KCNQ3: variants seen among roughly 807,000 people sequenced by gnomAD.
KCNQ3 encodes the protein potassium voltage-gated channel subfamily KQT member 3.
Under a neutral mutation model 92.5 loss-of-function variants are expected in KCNQ3, and 30 were observed. The observed-to-expected ratio is 0.32, with a 90% CI of 0.24 to 0.44. The LOEUF is 0.44. KCNQ3 is among the 20% of genes least tolerant of loss of function. The pLI is 1.00. For synonymous variants in KCNQ3, 450 were observed against 468.8 expected, an observed-to-expected ratio of 0.96 and a Z score of 0.52; for missense variants, 913 against 1,140.3, an observed-to-expected ratio of 0.80 and a Z score of 2.87.
At chr8:132,449,278 A>G (rs2130847984) in intron 1 of KCNQ3, among the ~76,000 whole-genome samples, 1 of 152,234 alleles carries the variant, frequency 6.6e-6, no homozygotes, top group Admixed American at 6.5e-5. Flanking sequence ...AGCCAATGGC[A>G]GAGTCACTCT....
intron 1 of KCNQ3, among the ~76,000 whole-genome samples, chr8:132,385,712 G>A (rs1392108839): frequency 6.6e-6 from 1 of 152,134 alleles, no homozygotes; most frequent in African/African-American, 2.4e-5. Context: ...GTAGGAGAGG[G>A]GGAAGGGGCA....
At chr8:132,137,028 ATT>A (rs34860665) in intron 12 of KCNQ3, among the ~76,000 whole-genome samples, 23 of 141,166 alleles carry the variant, frequency 1.6e-4, no homozygotes, top group African/African-American at 5.8e-4. Context: ...CCATGCCTGG[ATT>A]TTTTTTTTTT....
chr8:132,201,716 G>A (rs1313193901), intron 1 of KCNQ3, among the ~76,000 whole-genome samples: 1 of 152,100 alleles, frequency 6.6e-6, no homozygotes, highest in Admixed American at 6.5e-5. Flanking sequence ...TGTCTTTGCT[G>A]CACTCAATCC....
At position 132,414,863 on chromosome 8, in the gene KCNQ3, T is replaced by C. The variant is rs547949647; in HGVS notation, c.386+65284A>G. Among the ~76,000 whole-genome samples, 17 of 152,132 alleles carry C rather than the reference T, an allele frequency of 1.1e-4. No individual in the cohort carries two copies. The East Asian group carries it at 2.9e-3, about 26-fold the overall frequency. ...TGACAGCAAAACCGAAATATGTAAATAAGAAATCAGAGGAGTGATAAATAA... is the reference window on the plus strand; with the variant it reads ...TGACAGCAAAACCGAAATATGTAAACAAGAAATCAGAGGAGTGATAAATAA... On this transcript the variant is annotated intron_variant, in intron 1 of 14. Transcript: ENST00000388996.
chr8:132,321,809 G>A (rs1817900724), intron 1 of KCNQ3, among the ~76,000 whole-genome samples: 1 of 152,100 alleles, frequency 6.6e-6, no homozygotes, highest in Non-Finnish European at 1.5e-5. Flanking sequence ...CTCTACACCA[G>A]TGCACCTGGT....
intron 1 of KCNQ3, among the ~76,000 whole-genome samples, chr8:132,189,359 T>G (rs1210953858): frequency 6.6e-6 from 1 of 152,228 alleles, no homozygotes; most frequent in Admixed American, 6.5e-5. Flanking sequence ...GTTATCATCT[T>G]GTAATTGTTT....
In KCNQ3 at chr8:132,127,828, C is replaced by T. The variant is rs758087118; in HGVS notation, c.*1434G>A. 2.6e-5 allele frequency: 4 copies of T among 152,194 alleles called. No individual in the cohort carries two copies. Among genetic ancestry groups the T allele is most frequent in the African/African-American group, 9.6e-5 (4 of 41,458 alleles). 9.4% of individuals were successfully genotyped at this position (152,194 alleles called of 1,614,324 possible). On this transcript the variant is annotated 3_prime_UTR_variant, in exon 15 of 15. Transcript: ENST00000388996. ...GCTTGTGCTTAATATCACACCTGTA[C>T]AGTAGGGCAGTGCTTCCCAGGCTGT...
At chr8:132,227,031 ATAAT>A (rs1029236070) in intron 1 of KCNQ3, among the ~76,000 whole-genome samples, 2 of 150,696 alleles carry the variant, frequency 1.3e-5, no homozygotes, top group African/African-American at 4.9e-5. Flanking sequence ...AAGACAATAT[ATAAT>A]TAAGTACTTA....
intron 1 of KCNQ3, among the ~76,000 whole-genome samples, chr8:132,329,874 G>A (rs1451294869): frequency 6.6e-6 from 1 of 152,178 alleles, no homozygotes; most frequent in Admixed American, 6.5e-5. Flanking sequence ...CATGAATTAG[G>A]CCCCCTGGAG....
intron 9 of KCNQ3, among the ~76,000 whole-genome samples, chr8:132,161,745 G>T (rs1035506713): frequency 6.6e-6 from 1 of 152,170 alleles, no homozygotes; most frequent in Non-Finnish European, 1.5e-5. Context: ...TTGTAAGGTG[G>T]AAAATGCATA....
intron 1 of KCNQ3, among the ~76,000 whole-genome samples, chr8:132,413,432 G>T (rs907149039): frequency 2.0e-5 from 3 of 152,146 alleles, no homozygotes; most frequent in Non-Finnish European, 4.4e-5. Context: ...GGGTTAAGTC[G>T]CCTTTCAGTC....
intron 13 of KCNQ3, among the ~76,000 whole-genome samples, chr8:132,132,634 C>G (rs1824920968): frequency 1.3e-5 from 2 of 150,946 alleles, no homozygotes; most frequent in Admixed American, 1.3e-4. Flanking sequence ...GAGACTTTTA[C>G]TCTGAGTGTG....
chr8:132,405,218 C>A (rs568838149), intron 1 of KCNQ3, among the ~76,000 whole-genome samples: 1 of 152,330 alleles, frequency 6.6e-6, no homozygotes, highest in Admixed American at 6.5e-5. Context: ...CTTGACGATG[C>A]ATGAGAATGC....
At chr8:132,422,065 T>C (rs932022860) in intron 1 of KCNQ3, among the ~76,000 whole-genome samples, 2 of 152,092 alleles carry the variant, frequency 1.3e-5, no homozygotes, top group African/African-American at 2.4e-5. Flanking sequence ...GCCTGGTCAG[T>C]GCCTCCACCA....
intron 1 of KCNQ3, among the ~76,000 whole-genome samples, chr8:132,201,140 T>C (rs1016801450): frequency 6.6e-6 from 1 of 152,160 alleles, no homozygotes; most frequent in Non-Finnish European, 1.5e-5. Context: ...CATTAACATA[T>C]TTATGAAGGC....
At position 132,126,858 on chromosome 8, in the gene KCNQ3, T is replaced by C. The variant is rs1457046326; in HGVS notation, c.*2404A>G. On this transcript the variant is annotated 3_prime_UTR_variant, in exon 15 of 15. Coordinates refer to ENST00000388996, the MANE Select transcript of KCNQ3 (RefSeq NM_004519.4). ...CTCCATTGAGTTGCTGGAAAATGCATCATCTATTGGTAAAATACTTAAGAT... is the reference window on the plus strand; with the variant it reads ...CTCCATTGAGTTGCTGGAAAATGCACCATCTATTGGTAAAATACTTAAGAT... The C allele has an allele frequency of 6.6e-6, 1 of 152,202 alleles. No homozygotes were observed. 9.4% of individuals were successfully genotyped at this position (152,202 alleles called of 1,614,324 possible). A position where few individuals can be genotyped will look rare whatever the true frequency, so the allele number is the denominator to read the frequency against.
intron 6 of KCNQ3, among the ~76,000 whole-genome samples, chr8:132,173,008 T>A (rs989651916): frequency 4.6e-5 from 7 of 152,238 alleles, no homozygotes; most frequent in African/African-American, 1.7e-4. Flanking sequence ...GGATGTGGGA[T>A]AATAATACCT....
intron 1 of KCNQ3, among the ~76,000 whole-genome samples, chr8:132,298,558 G>T (rs1211870319): frequency 6.6e-6 from 1 of 152,144 alleles, no homozygotes; most frequent in Non-Finnish European, 1.5e-5. Flanking sequence ...TGAAGATGGG[G>T]TGGGGGAGCC....
chr8:132,250,695 C>T (rs1815377804), intron 1 of KCNQ3, among the ~76,000 whole-genome samples: 1 of 152,072 alleles, frequency 6.6e-6, no homozygotes, highest in Admixed American at 6.5e-5. Context: ...GGGTGGACCT[C>T]GGGTTGAGAC....
Sources: gnomAD v4.1 joint callset for allele counts (sites outside exome capture counted in the v4.1 genomes callset) on GRCh38, gnomAD v4.1.1 for gene constraint, MANE v1.5 for transcripts, NCBI Gene and HGNC (gene_info 2026-07-23, HGNC 2026-07-21) for gene names.